The following KIAA0825 variants were observed in gnomAD, a reference collection of about 807,000 sequenced individuals.
KIAA0825 encodes uncharacterized protein KIAA0825.
A neutral mutation model predicts 147.6 loss-of-function variants in KIAA0825; 119 were observed. The ratio of observed to expected loss-of-function variants is 0.81; its 90% CI spans 0.69 to 0.94. The LOEUF (loss-of-function observed/expected upper bound fraction) is 0.94, where lower values mean the gene tolerates loss of function less well. Among genes scored for constraint, KIAA0825 ranks in the 40% least tolerant of loss-of-function variants. The pLI is 0.00. For synonymous variants in KIAA0825, 470 were observed against 518.1 expected (o/e 0.91, Z 1.26); for missense variants, 1,381 against 1,472.7 (o/e 0.94, Z 1.02).
chr5:94,383,809 G>GTGTT lies in KIAA0825; in HGVS notation c.3710+558_3710+559insAACA, dbSNP rs1748763789. Among the ~76,000 whole-genome samples, 17 of 151,890 alleles carry GTGTT rather than the reference G, an allele frequency of 1.1e-4. No homozygotes were observed. The South Asian group carries it at 3.5e-3, about 32-fold the overall frequency. On this transcript the variant is annotated intron_variant, in intron 20 of 20. Transcript: ENST00000682413. ...GCTCTGTGTGTGTGTGTGTGTGTGT[G>GTGTT]TGTGTGTGTGTGTGTATCTTTGTGT...
intron 20 of KIAA0825, among the ~76,000 whole-genome samples, chr5:94,298,879 G>C (rs1370894207): frequency 6.6e-6 from 1 of 152,128 alleles, no homozygotes; most frequent in East Asian, 1.9e-4. Flanking sequence ...ATGTAAAAAT[G>C]TGTCACCACA....
At chr5:94,488,752 A>G (rs900819862) in intron 5 of KIAA0825, among the ~76,000 whole-genome samples, 1 of 152,178 alleles carries the variant, frequency 6.6e-6, no homozygotes, top group Non-Finnish European at 1.5e-5. Context: ...TTCATTTTAG[A>G]TTATACGAAA....
At chr5:94,538,817 C>G (rs1772664927) in intron 2 of KIAA0825, among the ~76,000 whole-genome samples, 1 of 152,224 alleles carries the variant, frequency 6.6e-6, no homozygotes, top group Admixed American at 6.5e-5. Flanking sequence ...TGCTGTGTAT[C>G]TATCAGTGGG....
At chr5:94,372,096 T>A (rs1746797380) in intron 20 of KIAA0825, among the ~76,000 whole-genome samples, 1 of 152,220 alleles carries the variant, frequency 6.6e-6, no homozygotes, top group Non-Finnish European at 1.5e-5. Flanking sequence ...CACATCCAAG[T>A]CATGCTGATG....
chr5:94,422,455 T>C (rs1562481955), intron 14 of KIAA0825, among the ~76,000 whole-genome samples: 1 of 152,216 alleles, frequency 6.6e-6, no homozygotes, highest in Non-Finnish European at 1.5e-5. Context: ...TCCCTGTGTC[T>C]TCAGGTCTTC....
chr5:94,389,418 G>A (rs971842920), intron 18 of KIAA0825, among the ~76,000 whole-genome samples: 1 of 152,200 alleles, frequency 6.6e-6, no homozygotes, highest in African/African-American at 2.4e-5. Context: ...CCAACCCCAT[G>A]GGAGTTGATA....
intron 1 of KIAA0825, among the ~76,000 whole-genome samples, chr5:94,601,542 G>A (rs1258964471): frequency 6.6e-6 from 1 of 152,156 alleles, no homozygotes; most frequent in Non-Finnish European, 1.5e-5. Context: ...TTGGAAAGGG[G>A]CTGAGGCTGA....
intron 14 of KIAA0825, among the ~76,000 whole-genome samples, chr5:94,428,143 TTGTGTG>T (rs61572627): frequency 0.21 from 28,661 of 134,340 alleles, 3,026 homozygotes; most frequent in Middle Eastern, 0.3. Flanking sequence ...TAAGGTCTTG[TTGTGTG>T]TGTGTGTGTG....
At chr5:94,351,558 C>T (rs113170486) in intron 20 of KIAA0825, among the ~76,000 whole-genome samples, 113 of 152,212 alleles carry the variant, frequency 7.4e-4, no homozygotes, top group African/African-American at 2.6e-3. Flanking sequence ...CAAAATACCA[C>T]CATCATTCTT....
intron 20 of KIAA0825, among the ~76,000 whole-genome samples, chr5:94,318,786 G>A (rs1779894836): frequency 6.6e-6 from 1 of 151,962 alleles, no homozygotes; most frequent in African/African-American, 2.4e-5. Context: ...AGCAGGCTGG[G>A]ATCTGCAGGA....
intron 19 of KIAA0825, among the ~76,000 whole-genome samples, chr5:94,384,720 T>C (rs982152088): frequency 6.6e-5 from 10 of 152,186 alleles, no homozygotes; most frequent in Non-Finnish European, 1.5e-4. Flanking sequence ...TTCTTCCAAG[T>C]GTTAATGGCA....
chr5:94,374,660 G>A (rs1286210466), intron 20 of KIAA0825, among the ~76,000 whole-genome samples: 1 of 152,104 alleles, frequency 6.6e-6, no homozygotes, highest in Non-Finnish European at 1.5e-5. Flanking sequence ...TTTTCTAGTG[G>A]GTGACTTTAG....
At chr5:94,519,973 T>C (rs1767855546) in intron 5 of KIAA0825, 1 of 1,047,456 alleles carries the variant, frequency 9.5e-7, no homozygotes, top group Non-Finnish European at 1.2e-6. Context: ...ACAAATACTG[T>C]TTGTCATATG....
chr5:94,269,794 A>G (rs1394209092), intron 20 of KIAA0825, among the ~76,000 whole-genome samples: 1 of 152,122 alleles, frequency 6.6e-6, no homozygotes, highest in Admixed American at 6.5e-5. Context: ...AATTAGTAGA[A>G]GAAAAGAAAT....
At position 94,461,561 on chromosome 5, in the gene KIAA0825, G is replaced by A. The variant is rs191760972; in HGVS notation, c.2246+826C>T. Among the ~76,000 whole-genome samples the A allele has an allele frequency of 6.4e-4, 98 of 151,984 alleles. No individual in the cohort carries two copies. The South Asian group carries it at 0.011, about 17-fold the overall frequency. On this transcript the variant is annotated intron_variant, in intron 12 of 20. Coordinates refer to ENST00000682413, the MANE Select transcript of KIAA0825 (RefSeq NM_001145678.3). ...AGAAGGAACATTCTGTAAACAATGG[G>A]TTTATTGAAAGTCAGAGTAGGTGAA...
chr5:94,469,514 A>C (rs1323563377), intron 10 of KIAA0825, among the ~76,000 whole-genome samples: 4 of 152,200 alleles, frequency 2.6e-5, no homozygotes, highest in Non-Finnish European at 4.4e-5. Context: ...ATATGATGAG[A>C]AGGAAAAAAA....
chr5:94,538,842 T>C (rs1024636228), intron 2 of KIAA0825, among the ~76,000 whole-genome samples: 8 of 152,150 alleles, frequency 5.3e-5, no homozygotes, highest in African/African-American at 1.9e-4. Context: ...TCCTTAGGAT[T>C]TGTGAACAGA....
At chr5:94,413,908 T>C (rs1753088124) in intron 15 of KIAA0825, 1 of 152,234 alleles carries the variant, frequency 6.6e-6, no homozygotes, top group Non-Finnish European at 1.5e-5. Flanking sequence ...TGTGAAAGCT[T>C]ACATTTAAAA....
chr5:94,285,524 A>G (rs1777632691), intron 20 of KIAA0825, among the ~76,000 whole-genome samples: 1 of 152,156 alleles, frequency 6.6e-6, no homozygotes. Flanking sequence ...CCCATATTGA[A>G]TGTAAGTTTT....
Sources: allele counts gnomAD v4.1 joint callset (sites outside exome capture counted in the v4.1 genomes callset), GRCh38; gene constraint gnomAD v4.1.1; transcripts MANE v1.5; gene names NCBI Gene and HGNC (gene_info 2026-07-23, HGNC 2026-07-21).